The following CGRRF1 variants were observed in gnomAD, a reference collection of about 807,000 sequenced individuals.
CGRRF1 encodes cell growth regulator with ring finger domain 1.
Under a neutral mutation model 37.2 loss-of-function variants are expected in CGRRF1, and 32 were observed. That is an observed-to-expected ratio of 0.86 (90% confidence interval 0.65 to 1.16). The LOEUF is 1.16. Ranked by LOEUF, CGRRF1 falls within the 50% of genes most tolerant of loss-of-function variation. CGRRF1 has a pLI of 0.00. For synonymous variants in CGRRF1, 141 were observed against 140.3 expected, an observed-to-expected ratio of 1.00 and a Z score of -0.04; for missense variants, 391 against 382.6, an observed-to-expected ratio of 1.02 and a Z score of -0.18.
chr14:54,513,878 C>T (rs1237691795), intron 1 of CGRRF1, among the ~76,000 whole-genome samples: 1 of 152,092 alleles, frequency 6.6e-6, no homozygotes, highest in Admixed American at 6.6e-5. Context: ...ATAGAATTAC[C>T]TAGCCTTTGT....
At chr14:54,517,938 T>A (rs970659350) in intron 1 of CGRRF1, among the ~76,000 whole-genome samples, 3 of 152,250 alleles carry the variant, frequency 2.0e-5, no homozygotes, top group Admixed American at 6.5e-5. Context: ...CGCATTTTCC[T>A]GCAAAGGACA....
At chr14:54,527,074 A>G (rs2032422933) in intron 2 of CGRRF1, among the ~76,000 whole-genome samples, 1 of 152,144 alleles carries the variant, frequency 6.6e-6, no homozygotes, top group African/African-American at 2.4e-5. Flanking sequence ...GAGAGATACC[A>G]CACCCATGTG....
chr14:54,520,878 T>C (rs2032305643), intron 1 of CGRRF1, among the ~76,000 whole-genome samples: 3 of 152,166 alleles, frequency 2.0e-5, no homozygotes, highest in Non-Finnish European at 4.4e-5. Flanking sequence ...TCTTTTTCTT[T>C]TTTATCTATC....
intron 4 of CGRRF1, among the ~76,000 whole-genome samples, chr14:54,533,292 C>T (rs2032549291): frequency 1.3e-5 from 2 of 152,034 alleles, no homozygotes; most frequent in African/African-American, 4.8e-5. Flanking sequence ...ACTGTGTGGC[C>T]CAGCTGTAGT....
chr14:54,522,755 A>T (rs1290559463), intron 2 of CGRRF1, among the ~76,000 whole-genome samples, 162 bp downstream of exon 2: 4 of 152,216 alleles, frequency 2.6e-5, no homozygotes, highest in Non-Finnish European at 2.9e-5. Flanking sequence ...AGATACAAAG[A>T]TTAAGAAGTT....
rs145193979 is a variant in CGRRF1 at position 54,532,090 on chromosome 14, A to G, written c.570+1040A>G. On this transcript the variant is annotated intron_variant, in intron 4 of 5. Coordinates refer to ENST00000216420, the MANE Select transcript of CGRRF1 (RefSeq NM_006568.3). ...ATCCCAGTCATTCAGGCAGTAAGAG[A>G]TGGAACAAGAGCTTGACTCTGAGCT... is the stretch of plus-strand genomic sequence containing the variant. Among the ~76,000 whole-genome samples, 615 of 152,240 alleles carry G rather than the reference A, an allele frequency of 4.0e-3. 7 individuals are homozygous for G. The highest frequency in any genetic ancestry group is 0.014 in the African/African-American group (589 of 41,536).
intron 1 of CGRRF1, among the ~76,000 whole-genome samples, chr14:54,512,451 T>C (rs888534058): frequency 6.6e-6 from 1 of 152,224 alleles, no homozygotes; most frequent in Admixed American, 6.5e-5. Context: ...CCTTTAACAG[T>C]TTCAAATAAT....
At chr14:54,513,274 A>T (rs1219618600) in intron 1 of CGRRF1, among the ~76,000 whole-genome samples, 1 of 152,224 alleles carries the variant, frequency 6.6e-6, no homozygotes, top group Non-Finnish European at 1.5e-5. Flanking sequence ...AATCAAATTG[A>T]TACATTTGGT....
At chr14:54,520,789 T>C (rs2032304154) in intron 1 of CGRRF1, among the ~76,000 whole-genome samples, 2 of 152,372 alleles carry the variant, frequency 1.3e-5, no homozygotes, top group South Asian at 4.1e-4. Context: ...TACCACAGTT[T>C]GTTTACTCAT....
intron 1 of CGRRF1, among the ~76,000 whole-genome samples, chr14:54,512,032 A>G (rs192903641): frequency 6.6e-6 from 1 of 152,226 alleles, no homozygotes; most frequent in Non-Finnish European, 1.5e-5. Context: ...GAAAACTTGG[A>G]CACCATCTAA....
rs759177058 is a variant in CGRRF1, at chr14:54,522,502, G to A, written c.153G>A (p.Gln51=). ...TTCTGAGAAATTCAGAAGAGACCCA[G>A]TTCAGCACAAGAGTTTTCAAAAAGC... ...PVILRNSEET[Q]FSTRVFKKQM... is the part of the protein sequence containing the mutation. The change falls in exon 2 of 6, where the codon CAG becomes CAA. Residue 51 remains glutamine, a synonymous_variant. Coordinates refer to ENST00000216420, the MANE Select transcript of CGRRF1 (RefSeq NM_006568.3). 6.2e-7 allele frequency: 1 copy of A among 1,607,248 alleles called. No individual in the cohort carries two copies.
rs1252972591 is a variant in CGRRF1 at position 54,509,915 on chromosome 14, T to G, written c.-45T>G. ...CGGGCGGGGCTCAGCCGGGCTGGGC[T>G]GGGCTCCGCGGCTGGAGCCGGGCTC... On this transcript the variant is annotated 5_prime_UTR_variant, in exon 1 of 6. Transcript: ENST00000216420. The G allele has an allele frequency of 1.4e-6, 2 of 1,454,456 alleles. No homozygotes were observed. Among genetic ancestry groups the G allele is most frequent in the Non-Finnish European group, 1.9e-6 (2 of 1,035,842 alleles). The allele number at this position is 1,454,456 out of a possible 1,614,324, so 90.1% of individuals were successfully genotyped here. A position where few individuals can be genotyped will look rare whatever the true frequency, so the allele number is the denominator to read the frequency against.
At chr14:54,518,362 A>G (rs936930635) in intron 1 of CGRRF1, among the ~76,000 whole-genome samples, 2 of 152,064 alleles carry the variant, frequency 1.3e-5, no homozygotes, top group Admixed American at 6.6e-5. Flanking sequence ...CCTGACCAAC[A>G]TGGAGAAATC....
intron 1 of CGRRF1, among the ~76,000 whole-genome samples, chr14:54,513,316 T>G (rs1221019161): frequency 1.3e-5 from 2 of 152,256 alleles, no homozygotes; most frequent in African/African-American, 4.8e-5. Flanking sequence ...TGAAGCTGTG[T>G]GCTGGAGGAC....
At chr14:54,517,579 T>C (rs972626453) in intron 1 of CGRRF1, among the ~76,000 whole-genome samples, 1 of 152,166 alleles carries the variant, frequency 6.6e-6, no homozygotes, top group Non-Finnish European at 1.5e-5. Context: ...TTTGCAATTA[T>C]TATTATTATT....
At chr14:54,521,677 G>C (rs1484424396) in intron 1 of CGRRF1, among the ~76,000 whole-genome samples, 1 of 151,552 alleles carries the variant, frequency 6.6e-6, no homozygotes, top group Admixed American at 6.6e-5. Context: ...GCTAATTTTT[G>C]TATTTTTATT....
intron 4 of CGRRF1, chr14:54,536,227 A>G (rs2032599621): frequency 6.6e-6 from 1 of 150,392 alleles, no homozygotes; most frequent in South Asian, 2.1e-4. Flanking sequence ...TCTGGAAATC[A>G]CTGCACACCA....
chr14:54,522,242 C>T (rs556963072), intron 1 of CGRRF1, among the ~76,000 whole-genome samples: 4 of 152,268 alleles, frequency 2.6e-5, no homozygotes, highest in African/African-American at 9.6e-5. Flanking sequence ...TCCCCCTCGT[C>T]CCCAAATATT....
chr14:54,524,385 G>GTTT (rs530976044), intron 2 of CGRRF1, among the ~76,000 whole-genome samples: 11 of 131,658 alleles, frequency 8.4e-5, no homozygotes, highest in East Asian at 6.7e-4. Flanking sequence ...AAAAATATAT[G>GTTT]TTTTTTTTTT....
Sources: allele counts gnomAD v4.1 joint callset (sites outside exome capture counted in the v4.1 genomes callset), GRCh38; gene constraint gnomAD v4.1.1; transcripts MANE v1.5; gene names NCBI Gene and HGNC (gene_info 2026-07-23, HGNC 2026-07-21).